Variants in RPS6KC1 observed in about 807,000 individuals in gnomAD.
The protein encoded by RPS6KC1 is inactive ribosomal protein S6 kinase delta-1.
In RPS6KC1, 54 loss-of-function variants were observed where a neutral mutation model predicts 103.8. That is an observed-to-expected ratio of 0.52 (90% CI 0.42 to 0.65). RPS6KC1 has a LOEUF of 0.65. Among genes scored for constraint, RPS6KC1 ranks in the 30% least tolerant of loss-of-function variants. The probability of loss-of-function intolerance (pLI) is 0.00; values close to 1 mark genes in which losing one functional copy is unlikely to be tolerated. For synonymous variants in RPS6KC1, 439 were observed against 438.7 expected, an observed-to-expected ratio of 1.00 and a Z score of -0.01; for missense variants, 1,151 against 1,253.8, an observed-to-expected ratio of 0.92 and a Z score of 1.24.
chr1:213,089,359 C>A (rs2080747146), intron 3 of RPS6KC1, among the ~76,000 whole-genome samples: 2 of 151,832 alleles, frequency 1.3e-5, no homozygotes, highest in Non-Finnish European at 2.9e-5. Flanking sequence ...TATTCAATAT[C>A]AATGGTTCCT....
chr1:213,626,090 T>A, the RPS6KC1 span, among the ~76,000 whole-genome samples: 1 of 152,220 alleles, frequency 6.6e-6, no homozygotes, highest in Non-Finnish European at 1.5e-5. Context: ...CTCCAGCATC[T>A]GTTGTTTCCT....
the RPS6KC1 span, among the ~76,000 whole-genome samples, chr1:213,539,987 A>G: frequency 1.3e-5 from 2 of 152,238 alleles, no homozygotes; most frequent in East Asian, 3.9e-4. Context: ...GTGCTAAAAA[A>G]TGCTTACCAT....
chr1:213,718,455 A>G, the RPS6KC1 span, among the ~76,000 whole-genome samples: 3 of 152,208 alleles, frequency 2.0e-5, no homozygotes, highest in African/African-American at 7.2e-5. Flanking sequence ...TCCTTCCTGG[A>G]TATGTAACAC....
chr1:213,194,796 G>T (rs867612671), intron 8 of RPS6KC1, among the ~76,000 whole-genome samples: 4 of 152,144 alleles, frequency 2.6e-5, no homozygotes, highest in Non-Finnish European at 5.9e-5. Context: ...TGCCCTACAT[G>T]TACCCCCTGT....
the RPS6KC1 span, among the ~76,000 whole-genome samples, chr1:213,309,961 A>T: frequency 2.0e-5 from 3 of 152,182 alleles, no homozygotes; most frequent in Non-Finnish European, 1.5e-5. Context: ...CTGGGATTAC[A>T]GGTGTGAGCC....
At chr1:213,083,168 G>T (rs1486298304) in intron 3 of RPS6KC1, among the ~76,000 whole-genome samples, 2 of 152,154 alleles carry the variant, frequency 1.3e-5, no homozygotes, top group African/African-American at 4.8e-5. Flanking sequence ...AGTGAAAAGA[G>T]ACTTTTGTCT....
At chr1:213,319,312 C>CAAAAAA in the RPS6KC1 span, among the ~76,000 whole-genome samples, 8 of 90,524 alleles carry the variant, frequency 8.8e-5, 1 homozygote, top group Admixed American at 1.5e-4. Flanking sequence ...GACTCTGTCT[C>CAAAAAA]AAAAAAAAAA....
chr1:213,364,071 A>C, the RPS6KC1 span, among the ~76,000 whole-genome samples: 3 of 152,048 alleles, frequency 2.0e-5, no homozygotes, highest in Non-Finnish European at 4.4e-5. Flanking sequence ...TAAATGTTTT[A>C]GGCTTTGTGG....
the RPS6KC1 span, among the ~76,000 whole-genome samples, chr1:213,763,991 A>C: frequency 6.6e-6 from 1 of 152,232 alleles, no homozygotes; most frequent in Non-Finnish European, 1.5e-5. Flanking sequence ...TATTCATACG[A>C]ATCCGTTATT....
At chr1:213,645,340 G>C in the RPS6KC1 span, among the ~76,000 whole-genome samples, 4 of 152,040 alleles carry the variant, frequency 2.6e-5, no homozygotes, top group Admixed American at 2.0e-4. Context: ...AAGGTGACAA[G>C]GTAAACAAAA....
intron 3 of RPS6KC1, among the ~76,000 whole-genome samples, chr1:213,096,943 C>T (rs1323508037): frequency 6.6e-6 from 1 of 152,132 alleles, no homozygotes; most frequent in Non-Finnish European, 1.5e-5. Flanking sequence ...CAAAATTACT[C>T]CTTGATCCCA....
chr1:213,631,834 A>G, the RPS6KC1 span, among the ~76,000 whole-genome samples: 1 of 152,188 alleles, frequency 6.6e-6, no homozygotes. Context: ...ATATTTTAAA[A>G]GTATTACACA....
chr1:213,482,381 T>C, the RPS6KC1 span, among the ~76,000 whole-genome samples: 1 of 152,066 alleles, frequency 6.6e-6, no homozygotes, highest in African/African-American at 2.4e-5. Flanking sequence ...CTTATTTGTT[T>C]TGGTGTGTAA....
chr1:213,854,510 C>CTTTCTT, the RPS6KC1 span, among the ~76,000 whole-genome samples: 99 of 121,012 alleles, frequency 8.2e-4, no homozygotes, highest in Admixed American at 5.3e-3. Context: ...CTCTTTCTTT[C>CTTTCTT]TCTTTCTTTC....
the RPS6KC1 span, among the ~76,000 whole-genome samples, chr1:213,566,689 C>A: frequency 6.6e-6 from 1 of 151,684 alleles, no homozygotes; most frequent in Non-Finnish European, 1.5e-5. Flanking sequence ...CTGACTCTCT[C>A]TTCAGCTATG....
chr1:213,502,564 TTAAA>T, the RPS6KC1 span, among the ~76,000 whole-genome samples: 4 of 152,158 alleles, frequency 2.6e-5, no homozygotes, highest in African/African-American at 9.7e-5. Context: ...GGAGAGTTGG[TTAAA>T]TAAATTATGG....
chr1:213,613,297 T>C, the RPS6KC1 span, among the ~76,000 whole-genome samples: 1 of 152,146 alleles, frequency 6.6e-6, no homozygotes, highest in Non-Finnish European at 1.5e-5. Flanking sequence ...AGATCACTCC[T>C]CCTATAGGTT....
rs71147062 is a variant in RPS6KC1, at chr1:213,257,786, CTTTTTTTTTTTTTTTTTTTTTTT to C, written c.2912-3759_2912-3737del. On this transcript the variant is annotated intron_variant, in intron 12 of 14. Coordinates refer to ENST00000366960, the MANE Select transcript of RPS6KC1 (RefSeq NM_012424.6). Reference sequence around the variant, plus strand: ...GATCTTGAATTGTAAACAGGTAAAACTTTTTTTTTTTTTTTTTTTTTTTTTTTTTTTTTTTGAGATGGAGTCTT... The same window carrying C: ...GATCTTGAATTGTAAACAGGTAAAACTTTTTTTTTTTTGAGATGGAGTCTT... Among the ~76,000 whole-genome samples, 3 of 49,426 alleles carry C rather than the reference CTTTTTTTTTTTTTTTTTTTTTTT, an allele frequency of 6.1e-5. 1 individual carries two copies. Among genetic ancestry groups the C allele is most frequent in the South Asian group, 2.4e-3 (2 of 836 alleles). The allele number at this position is 49,426 out of a possible 152,430, so 32.4% of individuals were successfully genotyped here. A position where few individuals can be genotyped will look rare whatever the true frequency, so the allele number is the denominator to read the frequency against.
chr1:213,572,160 G>A, the RPS6KC1 span, among the ~76,000 whole-genome samples: 2 of 152,206 alleles, frequency 1.3e-5, no homozygotes, highest in Admixed American at 6.5e-5. Context: ...GGAGGGATGG[G>A]CAGACATAGC....
Sources: allele counts gnomAD v4.1 joint callset (sites outside exome capture counted in the v4.1 genomes callset), GRCh38; gene constraint gnomAD v4.1.1; transcripts MANE v1.5; gene names NCBI Gene and HGNC (gene_info 2026-07-23, HGNC 2026-07-21).